ZNF664: variants seen among roughly 807,000 people sequenced by gnomAD.
The protein encoded by ZNF664 is zinc finger Organ of Corti 1.
A neutral mutation model predicts 18.2 loss-of-function variants in ZNF664; 10 were observed. That is an observed-to-expected ratio of 0.55 (90% CI 0.34 to 0.93). ZNF664 has a LOEUF of 0.93. ZNF664 is among the 40% of genes least tolerant of loss of function. The pLI is 0.02. For missense variants in ZNF664, 193 were observed against 319.0 expected (o/e 0.61, Z 3.01); for synonymous variants, 119 against 104.2 (o/e 1.14, Z -0.86).
intron 3 of ZNF664, among the ~76,000 whole-genome samples, chr12:124,010,100 C>T (rs2138459142): frequency 6.6e-6 from 1 of 152,180 alleles, no homozygotes; most frequent in South Asian, 2.1e-4. Flanking sequence ...ACCAATGTGT[C>T]TTTAGGATAT....
rs1318850725 is a variant in ZNF664, at chr12:124,012,477, T to C, written c.333T>C (p.Gly111=). The C allele has an allele frequency of 6.2e-7, 1 of 1,613,976 alleles. No individual in the cohort carries two copies. The highest frequency in any genetic ancestry group is 1.7e-5 in the Admixed American group (1 of 60,006). Residue 111 remains glycine, a synonymous_variant, in exon 5 of 5, where the codon GGT becomes GGC. Transcript: ENST00000337815. The stretch of plus-strand genomic sequence containing the variant: ...AAATTCATATGAGAGTTCATACAGG[T>C]GAGAAACCGTATGTCTGTAGTGAGT... ...HLQIHMRVHT[G]EKPYVCSECG...
At chr12:123,986,338 CCA>C (rs1420564904) in intron 2 of ZNF664, among the ~76,000 whole-genome samples, 2 of 152,194 alleles carry the variant, frequency 1.3e-5, no homozygotes, top group African/African-American at 4.8e-5. Context: ...CAGAGACAAG[CCA>C]CAGTCTTCCC....
intron 2 of ZNF664, among the ~76,000 whole-genome samples, chr12:123,984,383 G>C (rs1343228491): frequency 6.6e-6 from 1 of 152,148 alleles, no homozygotes; most frequent in Non-Finnish European, 1.5e-5. Context: ...CGGTGGTGTG[G>C]TGTTGGATTG....
intron 3 of ZNF664, among the ~76,000 whole-genome samples, chr12:123,988,442 GTCCCAT>G (rs1956849893): frequency 6.6e-6 from 1 of 151,948 alleles, no homozygotes; most frequent in African/African-American, 2.4e-5. Context: ...TGTTTCAGTT[GTCCCAT>G]TTTCTTCTGC....
At chr12:124,003,112 C>A (rs1471060273) in intron 3 of ZNF664, among the ~76,000 whole-genome samples, 1 of 152,120 alleles carries the variant, frequency 6.6e-6, no homozygotes, top group African/African-American at 2.4e-5. Flanking sequence ...AGAAACCCGC[C>A]TGCAGGGGTG....
chr12:123,987,385 G>A (rs894449325), intron 2 of ZNF664, among the ~76,000 whole-genome samples: 9 of 152,188 alleles, frequency 5.9e-5, no homozygotes, highest in Admixed American at 1.3e-4. Flanking sequence ...TAGCAGAGGC[G>A]GGGAGGTAGT....
Position 124,013,923 on chromosome 12 carries a change from T to C in ZNF664, c.*993T>C, listed in dbSNP as rs1433580344. The C allele has an allele frequency of 6.0e-6, 1 of 167,150 alleles. No individual in the cohort carries two copies. The highest frequency in any genetic ancestry group is 6.5e-5 in the Admixed American group (1 of 15,292). The allele number at this position is 167,150 out of a possible 1,614,324, so 10.4% of individuals were successfully genotyped here. On this transcript the variant is annotated 3_prime_UTR_variant, in exon 5 of 5. Transcript: ENST00000337815. Reference sequence around the variant, plus strand: ...CATTGATTACTGTGTATCAGTTCTTTGTTAGGCATGAACGTCTTTATTAAT... The same window carrying C: ...CATTGATTACTGTGTATCAGTTCTTCGTTAGGCATGAACGTCTTTATTAAT...
intron 3 of ZNF664, among the ~76,000 whole-genome samples, chr12:124,001,176 C>T (rs941023354): frequency 6.6e-6 from 1 of 152,188 alleles, no homozygotes; most frequent in Admixed American, 6.5e-5. Context: ...AAGTCTGATA[C>T]ATTTTTCTCT....
At chr12:124,005,773 C>G (rs533680673) in intron 3 of ZNF664, 6 of 152,676 alleles carry the variant, frequency 3.9e-5, no homozygotes, top group African/African-American at 1.4e-4. Flanking sequence ...TCCATGCCAG[C>G]CCCAAGTGCT....
chr12:123,973,474 A>C, intron 1 of ZNF664, 122 bp downstream of exon 1: 9 of 615,308 alleles, frequency 1.5e-5, no homozygotes, highest in South Asian at 7.1e-5. Context: ...AAGAAAAACA[A>C]CCCATCCCGG....
At chr12:123,995,907 C>G (rs1361883780) in intron 3 of ZNF664, among the ~76,000 whole-genome samples, 1 of 152,194 alleles carries the variant, frequency 6.6e-6, no homozygotes, top group Non-Finnish European at 1.5e-5. Flanking sequence ...GAGGGAAGAT[C>G]TGGGGATCTT....
At chr12:124,004,716 C>CATT (rs1408177144) in intron 3 of ZNF664, among the ~76,000 whole-genome samples, 29 of 152,170 alleles carry the variant, frequency 1.9e-4, no homozygotes, top group African/African-American at 6.5e-4. Flanking sequence ...CCATTGCTTG[C>CATT]ATTACCTCCT....
At chr12:124,009,195 A>G (rs1444083981) in intron 3 of ZNF664, among the ~76,000 whole-genome samples, 1 of 152,202 alleles carries the variant, frequency 6.6e-6, no homozygotes, top group African/African-American at 2.4e-5. Flanking sequence ...TAACAGTTAA[A>G]TTGTTGAAAG....
Position 124,005,482 on chromosome 12 carries a change from A to AGTGTGTGT in ZNF664, c.-660-5899_-660-5898insGTGTGTGT, listed in dbSNP as rs751514633. Among the ~76,000 whole-genome samples, 386 of 91,910 alleles carry AGTGTGTGT rather than the reference A, an allele frequency of 4.2e-3. 1 individual carries two copies. The highest frequency in any genetic ancestry group is 0.012 in the East Asian group (49 of 4,216). 60.3% of individuals were successfully genotyped at this position (91,910 alleles called of 152,430 possible). A position where few individuals can be genotyped will look rare whatever the true frequency, so the allele number is the denominator to read the frequency against. ...ATTTTGACTGGATGATAATTTATAG[A>AGTGTGTGT]ATGTGTGTGTGTGTGTGTGTGTGTG... On this transcript the variant is annotated intron_variant, in intron 3 of 4. Transcript: ENST00000337815.
intron 2 of ZNF664, among the ~76,000 whole-genome samples, chr12:123,986,112 G>A (rs1393851792): frequency 6.6e-6 from 1 of 151,940 alleles, no homozygotes. Context: ...GGCATGTCTG[G>A]CGGGGGGCTG....
At chr12:123,990,974 G>A (rs1337549239) in intron 3 of ZNF664, among the ~76,000 whole-genome samples, 2 of 152,178 alleles carry the variant, frequency 1.3e-5, no homozygotes, top group Admixed American at 6.5e-5. Flanking sequence ...GACTCACAGT[G>A]GAACTTCTGT....
chr12:123,996,695 G>A (rs943242297), intron 3 of ZNF664, among the ~76,000 whole-genome samples: 7 of 152,122 alleles, frequency 4.6e-5, no homozygotes, highest in East Asian at 3.9e-4. Context: ...CGTTGGGGGC[G>A]GGCTTTATAA....
intron 3 of ZNF664, among the ~76,000 whole-genome samples, chr12:123,995,838 C>CTGGCTGG (rs1258557806): frequency 1.3e-5 from 2 of 152,200 alleles, no homozygotes; most frequent in South Asian, 2.1e-4. Flanking sequence ...GGAGAGAAGA[C>CTGGCTGG]TGGCTGGCTC....
chr12:123,982,786 A>C (rs559639555), intron 2 of ZNF664, among the ~76,000 whole-genome samples: 1 of 152,232 alleles, frequency 6.6e-6, no homozygotes, highest in Non-Finnish European at 1.5e-5. Flanking sequence ...AGTAGTTTCA[A>C]ACGGCCTAGA....
Sources: gnomAD v4.1 joint callset for allele counts (sites outside exome capture counted in the v4.1 genomes callset) on GRCh38, gnomAD v4.1.1 for gene constraint, MANE v1.5 for transcripts, NCBI Gene and HGNC (gene_info 2026-07-23, HGNC 2026-07-21) for gene names.